The following VWA8 variants were observed in gnomAD, a reference collection of about 807,000 sequenced individuals.
The protein encoded by VWA8 is von Willebrand factor A domain containing 8.
In VWA8, 221 loss-of-function variants were observed where a neutral mutation model predicts 241.5. That is an observed-to-expected ratio of 0.91 (90% CI 0.82 to 1.02). The LOEUF (loss-of-function observed/expected upper bound fraction) is 1.02, where lower values mean the gene tolerates loss of function less well. VWA8 is among the 50% of genes least tolerant of loss of function. The probability of loss-of-function intolerance (pLI) is 0.00; values close to 1 mark genes in which losing one functional copy is unlikely to be tolerated. For missense variants in VWA8, 2,322 were observed against 2,328.7 expected (o/e 1.00, Z 0.06); for synonymous variants, 852 against 827.1 (o/e 1.03, Z -0.52).
intron 9 of VWA8, among the ~76,000 whole-genome samples, chr13:41,869,685 T>G (rs1436694058): frequency 2.1e-5 from 3 of 144,826 alleles, no homozygotes; most frequent in African/African-American, 7.6e-5. Context: ...ATTCTTGATG[T>G]GGCCCAATTA....
chr13:41,899,240 A>T (rs1875306452), intron 4 of VWA8, among the ~76,000 whole-genome samples: 1 of 152,266 alleles, frequency 6.6e-6, no homozygotes, highest in Non-Finnish European at 1.5e-5. Flanking sequence ...GATTAATTCA[A>T]TATAAATTAT....
chr13:41,657,811 C>A (rs1345750860), intron 37 of VWA8, among the ~76,000 whole-genome samples: 1 of 152,194 alleles, frequency 6.6e-6, no homozygotes, highest in African/African-American at 2.4e-5. Flanking sequence ...TAAGTGGCAG[C>A]TTAACCCTAG....
chr13:41,735,438 A>G (rs1466311594), intron 21 of VWA8, among the ~76,000 whole-genome samples: 1 of 152,232 alleles, frequency 6.6e-6, no homozygotes, highest in African/African-American at 2.4e-5. Flanking sequence ...CCAGAAATAA[A>G]AATCACAGGT....
chr13:41,813,452 T>A (rs183204311), intron 16 of VWA8, among the ~76,000 whole-genome samples: 2 of 152,190 alleles, frequency 1.3e-5, no homozygotes, highest in Admixed American at 1.3e-4. Flanking sequence ...AACTCAGAAA[T>A]TCCCATTTTT....
intron 16 of VWA8, among the ~76,000 whole-genome samples, chr13:41,814,113 A>C: frequency 6.6e-6 from 1 of 152,296 alleles, no homozygotes; most frequent in Middle Eastern, 3.4e-3. Context: ...TCTAGGGACA[A>C]TCTGTTAATA....
At chr13:41,768,592 A>G (rs968822728) in intron 20 of VWA8, among the ~76,000 whole-genome samples, 1 of 152,234 alleles carries the variant, frequency 6.6e-6, no homozygotes, top group Admixed American at 6.5e-5. Context: ...TGAAACGCAG[A>G]GAAGAATGAA....
intron 42 of VWA8, among the ~76,000 whole-genome samples, chr13:41,576,428 G>A (rs955995247): frequency 1.3e-5 from 2 of 152,200 alleles, no homozygotes; most frequent in African/African-American, 4.8e-5. Flanking sequence ...ATAAATGGTG[G>A]TTAGTCCATG....
At chr13:41,859,097 AAGTC>A (rs1257905870) in intron 12 of VWA8, among the ~76,000 whole-genome samples, 4 of 151,704 alleles carry the variant, frequency 2.6e-5, no homozygotes, top group Non-Finnish European at 5.9e-5. Context: ...AAAATTTAAA[AAGTC>A]AGCGTCAAAA....
intron 42 of VWA8, among the ~76,000 whole-genome samples, chr13:41,586,222 A>G (rs1227401177): frequency 1.3e-5 from 2 of 152,214 alleles, no homozygotes; most frequent in African/African-American, 4.8e-5. Context: ...AGAAAAGGAA[A>G]AAGTCGAACA....
chr13:41,912,678 A>G (rs1311823638), intron 2 of VWA8, among the ~76,000 whole-genome samples: 2 of 152,204 alleles, frequency 1.3e-5, no homozygotes, highest in Non-Finnish European at 2.9e-5. Flanking sequence ...TAAGTTGGTA[A>G]TGGGTTGTAA....
At chr13:41,793,145 T>C (rs1179545878) in intron 17 of VWA8, among the ~76,000 whole-genome samples, 1 of 152,196 alleles carries the variant, frequency 6.6e-6, no homozygotes, top group Non-Finnish European at 1.5e-5. Context: ...TTTCTGCTTG[T>C]AGTTTACTAA....
chr13:41,571,275 C>T lies in VWA8; in HGVS notation c.5371-569G>A, dbSNP rs563522892. Among the ~76,000 whole-genome samples the T allele has an allele frequency of 3.1e-4, 46 of 149,878 alleles. No individual in the cohort carries two copies. In the South Asian group the frequency reaches 4.5e-3, roughly 15 times the overall value. On this transcript the variant is annotated intron_variant, in intron 43 of 44. Transcript: ENST00000379310. ...GATTGTATATCTAGAAAACCCTGTC[C>T]CTCTCCCGTCTCCCTCTCCCGTCTC...
chr13:41,768,959 G>C lies in VWA8; in HGVS notation c.2350-7755C>G, dbSNP rs527999153. ...TGCTCTACTGCCCACGCTGGAGTTA[G>C]TGACCTAATCTTGGCTCACCGCAAC... On this transcript the variant is annotated intron_variant, in intron 20 of 44. Transcript: ENST00000379310. Among the ~76,000 whole-genome samples, 33 of 147,030 alleles carry C rather than the reference G, an allele frequency of 2.2e-4. No individual in the cohort carries two copies. In the South Asian group the frequency reaches 6.7e-3, roughly 30 times the overall value.
chr13:41,749,066 C>T (rs1467550481), intron 21 of VWA8, among the ~76,000 whole-genome samples: 1 of 152,160 alleles, frequency 6.6e-6, no homozygotes, highest in African/African-American at 2.4e-5. Flanking sequence ...TCAGAGTGAA[C>T]AGGCAACCTA....
intron 37 of VWA8, among the ~76,000 whole-genome samples, chr13:41,637,182 G>C (rs546454927): frequency 2.0e-4 from 31 of 151,676 alleles, no homozygotes; most frequent in African/African-American, 6.1e-4. Flanking sequence ...AACAACGATA[G>C]ACTGGATTAA....
intron 12 of VWA8, among the ~76,000 whole-genome samples, chr13:41,836,361 A>T (rs1871729275): frequency 6.6e-6 from 1 of 152,192 alleles, no homozygotes; most frequent in Non-Finnish European, 1.5e-5. Flanking sequence ...TAATTTTGAA[A>T]ATCACAGCTT....
At chr13:41,611,753 T>C (rs755517257) in intron 38 of VWA8, 21 bp from the exon 39 acceptor site, 1 of 1,613,330 alleles carries the variant, frequency 6.2e-7, no homozygotes, top group South Asian at 1.1e-5. Flanking sequence ...AACGTGGAAA[T>C]TCAGATGATA....
At chr13:41,749,135 C>A (rs2045633756) in intron 21 of VWA8, among the ~76,000 whole-genome samples, 1 of 152,106 alleles carries the variant, frequency 6.6e-6, no homozygotes, top group Non-Finnish European at 1.5e-5. Context: ...TATCCAGAAT[C>A]TACAAAGAAC....
intron 37 of VWA8, among the ~76,000 whole-genome samples, chr13:41,657,583 G>A (rs1483236224): frequency 3.3e-5 from 5 of 150,078 alleles, no homozygotes; most frequent in Admixed American, 6.7e-5. Flanking sequence ...TCCGCTTCCC[G>A]GGTTCACGCC....
Sources: gnomAD v4.1 joint callset for allele counts (sites outside exome capture counted in the v4.1 genomes callset) on GRCh38, gnomAD v4.1.1 for gene constraint, MANE v1.5 for transcripts, NCBI Gene and HGNC (gene_info 2026-07-23, HGNC 2026-07-21) for gene names.